PDZD8: variants seen among roughly 807,000 people sequenced by gnomAD.
PDZD8 encodes the protein PDZ domain-containing protein 8.
Under a neutral mutation model 85.8 loss-of-function variants are expected in PDZD8, and 14 were observed. The ratio of observed to expected loss-of-function variants is 0.16; its 90% CI spans 0.11 to 0.26. The LOEUF is 0.26. Ranked by LOEUF, PDZD8 falls within the 10% of genes least tolerant of loss-of-function variation. The pLI, the probability that PDZD8 is intolerant of heterozygous loss-of-function variation, is 1.00. For synonymous variants in PDZD8, 592 were observed against 568.6 expected, an observed-to-expected ratio of 1.04 and a Z score of -0.59; for missense variants, 1,197 against 1,424.3, an observed-to-expected ratio of 0.84 and a Z score of 2.57.
At position 117,374,662 on chromosome 10, in the gene PDZD8, T is replaced by C; in HGVS notation, c.566A>G (p.Glu189Gly). ...GEALPAACPE[E>G]LAFEAEVEYN... ...CTCCACCTCCGCCTCGAAGGCCAGCTCCTCGGGGCAGGCGGCGGGCAGCGC... is the reference window on the plus strand; with the variant it reads ...CTCCACCTCCGCCTCGAAGGCCAGCCCCTCGGGGCAGGCGGCGGGCAGCGC... Residue 189 changes from glutamate to glycine, a missense_variant, in exon 1 of 5, where the codon GAG (glutamate) becomes GGG (glycine). Around this residue, in one of 4 missense-constraint regions of PDZD8, gnomAD observed 344 missense variants for 453.6 expected, o/e 0.76. Transcript: ENST00000334464. The surrounding 1 kb of genome is among the most constrained non-coding windows in gnomAD (Gnocchi z 7.8). 6.3e-7 allele frequency: 1 copy of C among 1,587,358 alleles called. No homozygotes were observed. Among genetic ancestry groups the C allele is most frequent in the Non-Finnish European group, 8.6e-7 (1 of 1,166,744 alleles).
In PDZD8 at chr10:117,375,279, T is replaced by G; in HGVS notation, c.-52A>C. On this transcript the variant is annotated 5_prime_UTR_variant, in exon 1 of 5. Transcript: ENST00000334464. ...TACTCCCGCGCCCACAGCGCCGCTTTCTTCACGCCGCCGCCCCCGCTGCCT... is the reference window on the plus strand; with the variant it reads ...TACTCCCGCGCCCACAGCGCCGCTTGCTTCACGCCGCCGCCCCCGCTGCCT... The G allele has an allele frequency of 7.2e-7, 1 of 1,396,654 alleles. No homozygotes were observed. The highest frequency in any genetic ancestry group is 9.3e-7 in the Non-Finnish European group (1 of 1,071,296). The allele number at this position is 1,396,654 out of a possible 1,614,324, so 86.5% of individuals were successfully genotyped here.
chr10:117,289,481 C>T (rs933873353), intron 4 of PDZD8, among the ~76,000 whole-genome samples: 3 of 152,192 alleles, frequency 2.0e-5, no homozygotes, highest in African/African-American at 7.2e-5. Flanking sequence ...ACAGGTACTA[C>T]AAAGGTTGAA....
At chr10:117,325,988 T>C (rs1844309697) in intron 2 of PDZD8, among the ~76,000 whole-genome samples, 1 of 152,120 alleles carries the variant, frequency 6.6e-6, no homozygotes, top group African/African-American at 2.4e-5. Context: ...GTTTTGTAAG[T>C]GTCTGGCATT....
chr10:117,315,361 G>A (rs1222007537), intron 3 of PDZD8, among the ~76,000 whole-genome samples: 3 of 152,052 alleles, frequency 2.0e-5, no homozygotes, highest in South Asian at 2.1e-4. Context: ...TTGTGGGGCC[G>A]AGGTGGGTGG....
At chr10:117,365,035 C>CTTAA in intron 1 of PDZD8, among the ~76,000 whole-genome samples, 1 of 151,892 alleles carries the variant, frequency 6.6e-6, no homozygotes, top group South Asian at 2.1e-4. Context: ...AGACCTCAAA[C>CTTAA]TTAACATGGG....
intron 1 of PDZD8, among the ~76,000 whole-genome samples, chr10:117,348,301 A>T (rs1448192047): frequency 6.6e-6 from 1 of 152,218 alleles, no homozygotes; most frequent in Non-Finnish European, 1.5e-5. Flanking sequence ...ACATTTATTG[A>T]ATGGCTACCA....
intron 2 of PDZD8, among the ~76,000 whole-genome samples, chr10:117,325,403 A>ATTTTTTTTTTT (rs1564700233): frequency 7.5e-4 from 15 of 20,002 alleles, no homozygotes; most frequent in Admixed American, 2.3e-3. Context: ...AGAAAAGCCA[A>ATTTTTTTTTTT]CTTTTTTTTT....
At chr10:117,315,323 G>GC (rs1427025648) in intron 3 of PDZD8, among the ~76,000 whole-genome samples, 34 of 152,070 alleles carry the variant, frequency 2.2e-4, no homozygotes, top group Middle Eastern at 3.2e-3. Flanking sequence ...GGCCAGGCGC[G>GC]GTGGCTCATG....
At chr10:117,368,383 C>T (rs1259708823) in intron 1 of PDZD8, among the ~76,000 whole-genome samples, 4 of 151,974 alleles carry the variant, frequency 2.6e-5, no homozygotes, top group African/African-American at 7.2e-5. Context: ...GTCTATTCTC[C>T]CCAAATATTA....
At chr10:117,364,057 A>G (rs1208827978) in intron 1 of PDZD8, among the ~76,000 whole-genome samples, 2 of 152,170 alleles carry the variant, frequency 1.3e-5, no homozygotes, top group Non-Finnish European at 2.9e-5. Flanking sequence ...TTGCAAACAC[A>G]TATGTGTTTA....
chr10:117,300,007 C>T (rs117708288), intron 3 of PDZD8, among the ~76,000 whole-genome samples: 5,773 of 152,166 alleles, frequency 0.038, 143 homozygotes, highest in Middle Eastern at 0.075. Context: ...AGCTATTACA[C>T]GGGTTTTTGT....
At chr10:117,315,821 T>C (rs1844119707) in intron 3 of PDZD8, among the ~76,000 whole-genome samples, 1 of 152,156 alleles carries the variant, frequency 6.6e-6, no homozygotes, top group African/African-American at 2.4e-5. Context: ...TTGTGAATTT[T>C]ATTTGTAAGC....
chr10:117,323,133 C>T (rs921294971), intron 2 of PDZD8, among the ~76,000 whole-genome samples: 1 of 152,106 alleles, frequency 6.6e-6, no homozygotes, highest in African/African-American at 2.4e-5. Context: ...AAGACCGTTC[C>T]AGAAGAACAA....
At chr10:117,352,811 G>A (rs1419428916) in intron 1 of PDZD8, among the ~76,000 whole-genome samples, 1 of 152,092 alleles carries the variant, frequency 6.6e-6, no homozygotes. Context: ...ACACCACAGG[G>A]GAGATAAAAT....
chr10:117,369,765 T>C lies in PDZD8; in HGVS notation c.872+4591A>G, dbSNP rs370536981. 2.4e-4 allele frequency among the ~76,000 whole-genome samples: 37 copies of C among 152,298 alleles called. No homozygotes were observed. The South Asian group carries it at 5.0e-3, about 20-fold the overall frequency. On this transcript the variant is annotated intron_variant, in intron 1 of 4. Transcript: ENST00000334464. ...TACTACAGTCCATCTCTCCATCCTG[T>C]TGTTGCTCTGAGAAATGCAGCACTG...
chr10:117,299,471 C>T (rs1056186790), intron 3 of PDZD8, among the ~76,000 whole-genome samples: 2 of 152,158 alleles, frequency 1.3e-5, no homozygotes, highest in Non-Finnish European at 2.9e-5. Flanking sequence ...TTTTTCCATT[C>T]AACATAATCC....
At chr10:117,305,471 T>TACACACACACACACAC (rs57037106) in intron 3 of PDZD8, among the ~76,000 whole-genome samples, 30 of 141,784 alleles carry the variant, frequency 2.1e-4, no homozygotes, top group East Asian at 8.4e-4. Flanking sequence ...TACACACACA[T>TACACACACACACACAC]ACACACACAC....
Position 117,283,586 on chromosome 10 carries a change from C to G in PDZD8, c.3147G>C (p.Gln1049His). ...MLDKLQNEID[Q>H]ELEHNNSLVR... ...CAAGGGAATTATTGTGTTCCAACTC[C>G]TGATCAATTTCATTCTGTAGCTTAT... The change falls in exon 5 of 5, where the codon CAG becomes CAC. Residue 1049 changes from glutamine (Q) to histidine (H), a missense_variant. Coordinates refer to ENST00000334464, the MANE Select transcript of PDZD8 (RefSeq NM_173791.5). 6.2e-7 allele frequency: 1 copy of G among 1,614,134 alleles called. No individual in the cohort carries two copies. The highest frequency in any genetic ancestry group is 8.5e-7 in the Non-Finnish European group (1 of 1,180,006).
At chr10:117,369,569 C>T (rs1184406208) in intron 1 of PDZD8, among the ~76,000 whole-genome samples, 1 of 152,186 alleles carries the variant, frequency 6.6e-6, no homozygotes, top group African/African-American at 2.4e-5. Flanking sequence ...ATTAAGTCTT[C>T]TCATTTTCAC....
Sources: gnomAD v4.1 joint callset for allele counts (sites outside exome capture counted in the v4.1 genomes callset) on GRCh38, gnomAD v4.1.1 for gene constraint, gnomAD v4.1.1 regional missense constraint, Gnocchi (gnomAD v3.1) non-coding constraint, MANE v1.5 for transcripts, NCBI Gene and HGNC (gene_info 2026-07-23, HGNC 2026-07-21) for gene names.